ABCB5: variants seen among roughly 807,000 people sequenced by gnomAD.
ABCB5 encodes the protein ATP binding cassette subfamily B member 5.
In ABCB5, 155 loss-of-function variants were observed where a neutral mutation model predicts 144.2. The observed-to-expected ratio is 1.08, with a 90% CI of 0.94 to 1.23. The LOEUF (loss-of-function observed/expected upper bound fraction) is 1.23, where lower values mean the gene tolerates loss of function less well. ABCB5 is among the 50% of genes most tolerant of loss of function. The probability of loss-of-function intolerance (pLI) is 0.00; values close to 1 mark genes in which losing one functional copy is unlikely to be tolerated. For missense variants in ABCB5, 1,830 were observed against 1,520.8 expected (o/e 1.20, Z -3.38); for synonymous variants, 610 against 528.6 (o/e 1.15, Z -2.11).
At chr7:20,627,295 T>C (rs1783930680) in intron 3 of ABCB5, among the ~76,000 whole-genome samples, 1 of 152,166 alleles carries the variant, frequency 6.6e-6, no homozygotes. Flanking sequence ...ATCAAGGAGA[T>C]AACATTATTC....
chr7:20,739,128 G>C lies in ABCB5; in HGVS notation c.3013G>C (p.Gly1005Arg). The change falls in exon 24 of 28, where the codon GGG (glycine) becomes CGG (arginine). Residue 1005 changes from glycine to arginine, a missense_variant. Gly to Arg is a moderately radical substitution (Grantham distance 125, BLOSUM62 -2). Coordinates refer to ENST00000404938, the MANE Select transcript of ABCB5 (RefSeq NM_001163941.2). ...AAATATAGACAGCCGCAGTCAAGAA[G>C]GGAAAAAGCCAGTAAGCACAACTGT... ...KPNIDSRSQE[G>R]KKPDTCEGNL... 1 of 1,601,818 alleles carries C rather than the reference G, an allele frequency of 6.2e-7. No individual in the cohort carries two copies. Among genetic ancestry groups the C allele is most frequent in the Non-Finnish European group, 8.5e-7 (1 of 1,174,100 alleles).
At chr7:20,668,973 G>C (rs1785346824) in intron 14 of ABCB5, among the ~76,000 whole-genome samples, 1 of 111,192 alleles carries the variant, frequency 9.0e-6, no homozygotes, top group Admixed American at 8.6e-5. Context: ...CGGGAGGGAG[G>C]TGGGGGGGTC....
chr7:20,727,601 G>T (rs938296934), intron 22 of ABCB5, among the ~76,000 whole-genome samples: 3 of 151,972 alleles, frequency 2.0e-5, no homozygotes, highest in African/African-American at 7.3e-5. Flanking sequence ...TGGGTGTGGT[G>T]GTGCACACTT....
Position 20,739,151 on chromosome 7 carries a change from T to C in ABCB5, c.3024+12T>C, listed in dbSNP as rs771386579. On this transcript the variant is annotated intron_variant, in intron 24 of 27. Transcript: ENST00000404938. ...AAGGGAAAAAGCCAGTAAGCACAAC[T>C]GTGATCTTAAATGTCCAAATAAAGA... 1 of 1,564,514 alleles carries C rather than the reference T, an allele frequency of 6.4e-7. No homozygotes were observed.
chr7:20,740,924 T>C (rs547749239), intron 24 of ABCB5, among the ~76,000 whole-genome samples: 14 of 152,058 alleles, frequency 9.2e-5, no homozygotes, highest in Admixed American at 1.3e-4. Context: ...CTGGTTAACA[T>C]GGCAAAGCCC....
intron 14 of ABCB5, among the ~76,000 whole-genome samples, chr7:20,670,311 G>A (rs1468377609): frequency 1.3e-5 from 2 of 151,536 alleles, no homozygotes; most frequent in African/African-American, 4.9e-5. Context: ...ATGTTAGAAC[G>A]CAGGGTACAT....
Position 20,650,017 on chromosome 7 carries a change from A to G in ABCB5, c.1207-5A>G, listed in dbSNP as rs1244227288. On this transcript the variant is annotated splice_polypyrimidine_tract_variant and splice_region_variant and intron_variant, in intron 11 of 27. Coordinates refer to ENST00000404938, the MANE Select transcript of ABCB5 (RefSeq NM_001163941.2). ...TTATGATTTTCCCTCCATACATTCC[A>G]ATAGATTCTGAAAGGTCTGAATCTC... is the stretch of plus-strand genomic sequence containing the variant. 1.2e-6 allele frequency: 2 copies of G among 1,609,860 alleles called. No individual in the cohort carries two copies. The highest frequency in any genetic ancestry group is 3.4e-5 in the Admixed American group (2 of 59,332).
chr7:20,627,052 TTATC>T (rs1783924718), intron 3 of ABCB5, among the ~76,000 whole-genome samples: 1 of 152,192 alleles, frequency 6.6e-6, no homozygotes, highest in Non-Finnish European at 1.5e-5. Context: ...TCAAAAATAA[TTATC>T]TAAGAATTTT....
At chr7:20,735,119 G>A (rs538489750) in intron 23 of ABCB5, among the ~76,000 whole-genome samples, 1 of 152,236 alleles carries the variant, frequency 6.6e-6, no homozygotes, top group Non-Finnish European at 1.5e-5. Context: ...AAGCTAAGCA[G>A]AGCATATAGG....
Position 20,643,538 on chromosome 7 carries a change from GC to G in ABCB5, c.586del (p.Leu196TrpfsTer6). ...CAAAACATGTCTACTTTTTCGATTG[GC>G]CTGGCAGTTGGTTTGGTGAAGGGCT... ...LFQNMSTFSI[G>X]LAVGLVKGWK... On this transcript the variant is annotated frameshift_variant, in exon 7 of 28. Coordinates refer to ENST00000404938, the MANE Select transcript of ABCB5 (RefSeq NM_001163941.2). LOFTEE classifies it high-confidence loss of function. 6.2e-7 allele frequency: 1 copy of G among 1,613,960 alleles called. No homozygotes were observed. The highest frequency in any genetic ancestry group is 8.5e-7 in the Non-Finnish European group (1 of 1,179,888).
chr7:20,754,338 A>G (rs539132357), intron 27 of ABCB5, among the ~76,000 whole-genome samples: 1 of 152,358 alleles, frequency 6.6e-6, no homozygotes, highest in South Asian at 2.1e-4. Context: ...ACAATGTGTT[A>G]TGAAAAATAA....
In ABCB5 at chr7:20,694,447, G is replaced by A. The variant is rs147696497; in HGVS notation, c.2011-3960G>A. Among the ~76,000 whole-genome samples, 119 of 151,982 alleles carry A rather than the reference G, an allele frequency of 7.8e-4. 3 individuals are homozygous for A. In the East Asian group the frequency reaches 0.015, roughly 19 times the overall value. On this transcript the variant is annotated intron_variant, in intron 16 of 27. Coordinates refer to ENST00000404938, the MANE Select transcript of ABCB5 (RefSeq NM_001163941.2). Reference sequence around the variant, plus strand: ...TTTTTGATAACTCTCAGCAAGCAACGAATTAAAAGAAATTCCTTCAACCTG... The same window carrying A: ...TTTTTGATAACTCTCAGCAAGCAACAAATTAAAAGAAATTCCTTCAACCTG...
intron 26 of ABCB5, among the ~76,000 whole-genome samples, chr7:20,750,984 C>G (rs1486704275): frequency 6.6e-6 from 1 of 152,128 alleles, no homozygotes; most frequent in Non-Finnish European, 1.5e-5. Context: ...AGCTCTCAGT[C>G]GAGCCACATC....
intron 2 of ABCB5, among the ~76,000 whole-genome samples, chr7:20,625,342 T>G (rs1783885770): frequency 6.6e-6 from 1 of 152,172 alleles, no homozygotes; most frequent in South Asian, 2.1e-4. Context: ...CTTAAACTGT[T>G]CCCTACAGTC....
chr7:20,640,495 G>A (rs2128022076), intron 5 of ABCB5, among the ~76,000 whole-genome samples: 1 of 152,210 alleles, frequency 6.6e-6, no homozygotes, highest in African/African-American at 2.4e-5. Context: ...CAGCCTTCTT[G>A]CACTAAGGAG....
Position 20,628,846 on chromosome 7 carries a change from T to C in ABCB5, c.259+8T>C. 1.9e-6 allele frequency: 3 copies of C among 1,612,832 alleles called. No homozygotes were observed. The highest frequency in any genetic ancestry group is 1.1e-5 in the South Asian group (1 of 90,924). On this transcript the variant is annotated splice_region_variant and intron_variant, in intron 4 of 27. Transcript: ENST00000404938. ...TAGTCCAAACTAACACAAGTGAGTA[T>C]ACGATTATTTTTCTGTATCACTTAA...
At chr7:20,714,376 C>T (rs559058425) in intron 20 of ABCB5, among the ~76,000 whole-genome samples, 3 of 151,734 alleles carry the variant, frequency 2.0e-5, no homozygotes, top group Admixed American at 2.0e-4. Context: ...TTTTGTGCCT[C>T]TTGCTAAAGA....
intron 24 of ABCB5, among the ~76,000 whole-genome samples, chr7:20,739,377 G>A (rs555603401): frequency 6.6e-6 from 1 of 152,050 alleles, no homozygotes; most frequent in African/African-American, 2.4e-5. Context: ...AAAATAAAAT[G>A]TAACATAAAT....
At chr7:20,702,160 G>C (rs1786651100) in intron 19 of ABCB5, among the ~76,000 whole-genome samples, 1 of 152,204 alleles carries the variant, frequency 6.6e-6, no homozygotes, top group Non-Finnish European at 1.5e-5. Context: ...AATGTTCTAA[G>C]TGTTGCTGAC....
Sources: allele counts gnomAD v4.1 joint callset (sites outside exome capture counted in the v4.1 genomes callset), GRCh38; gene constraint gnomAD v4.1.1; transcripts MANE v1.5; gene names NCBI Gene and HGNC (gene_info 2026-07-23, HGNC 2026-07-21).